Variants in FAM76B observed in about 807,000 individuals in gnomAD.
FAM76B encodes protein FAM76B.
A neutral mutation model predicts 51.8 loss-of-function variants in FAM76B; 16 were observed. The ratio of observed to expected loss-of-function variants is 0.31; its 90% CI spans 0.21 to 0.47. The LOEUF is 0.47. Among genes scored for constraint, FAM76B ranks in the 20% least tolerant of loss-of-function variants. The pLI is 1.00. For synonymous variants in FAM76B, 166 were observed against 129.5 expected, an observed-to-expected ratio of 1.28 and a Z score of -1.91; for missense variants, 342 against 392.6, an observed-to-expected ratio of 0.87 and a Z score of 1.09.
chr11:95,778,789 C>T (rs1273992083), intron 8 of FAM76B, 33 bp downstream of exon 8: 4 of 1,567,436 alleles, frequency 2.6e-6, no homozygotes, highest in South Asian at 1.2e-5. Context: ...CAACACATAA[C>T]TCTTACCAGG....
intron 5 of FAM76B, among the ~76,000 whole-genome samples, chr11:95,781,587 T>G (rs774798206): frequency 6.6e-6 from 1 of 152,118 alleles, no homozygotes; most frequent in Non-Finnish European, 1.5e-5. Context: ...TAAGACAAAT[T>G]TATCTGTAAA....
At position 95,779,905 on chromosome 11, in the gene FAM76B, T is replaced by G; in HGVS notation, c.585A>C (p.Glu195Asp). The G allele has an allele frequency of 6.2e-7, 1 of 1,605,480 alleles. No individual in the cohort carries two copies. The highest frequency in any genetic ancestry group is 8.5e-7 in the Non-Finnish European group (1 of 1,176,456). The change falls in exon 6 of 10, where the codon GAA (glutamate) becomes GAC (aspartate). Residue 195 changes from glutamate to aspartate, a missense_variant. Physicochemically the swap from Glu to Asp is conservative, Grantham distance 45. Around this residue, in one of 3 missense-constraint regions of FAM76B, gnomAD observed 230 missense variants for 257.4 expected, o/e 0.89. Coordinates refer to ENST00000358780, the MANE Select transcript of FAM76B (RefSeq NM_144664.5). The part of the protein sequence containing the change: ...SHHKISNLSP[E>D]EEQGLWKQSH... ...TCTGTTTCCACAGTCCCTGCTCTTC[T>G]TCTGGACTTAGATTGCTGATTCTGA...
At position 95,787,279 on chromosome 11, in the gene FAM76B, G is replaced by C. The variant is rs187554716; in HGVS notation, c.207+345C>G. ...GACGCAGTCTCGCTCTGTCCCCCAG[G>C]CTGGAGTGCAGTGGCAGGATCTCAG... is the stretch of plus-strand genomic sequence containing the variant. On this transcript the variant is annotated intron_variant, in intron 3 of 9. Transcript: ENST00000358780. Among the ~76,000 whole-genome samples the C allele has an allele frequency of 4.1e-4, 62 of 152,254 alleles. 1 individual carries two copies. The highest frequency in any genetic ancestry group is 3.4e-3 in the Middle Eastern group (1 of 294).
chr11:95,786,364 T>G, intron 3 of FAM76B, 90 bp from the exon 4 acceptor site: 1 of 1,434,532 alleles, frequency 7.0e-7, no homozygotes, highest in East Asian at 2.4e-5. Flanking sequence ...TTTCTGGAAT[T>G]AAGAAAACTC....
chr11:95,773,617 G>A (rs553559265), intron 9 of FAM76B, among the ~76,000 whole-genome samples: 9 of 151,312 alleles, frequency 5.9e-5, no homozygotes, highest in African/African-American at 1.7e-4. Context: ...ATAACCTGGA[G>A]CATATTTTCT....
Position 95,789,720 on chromosome 11 carries a change from G to T in FAM76B, c.-242C>A. ...TGCCAGCCGCTCCCGCTTAGGCCCC[G>T]ATAGCGGCGGAGGGAGACGAAGCGG... On this transcript the variant is annotated 5_prime_UTR_variant, in exon 1 of 10. Coordinates refer to ENST00000358780, the MANE Select transcript of FAM76B (RefSeq NM_144664.5). 2.1e-6 allele frequency: 1 copy of T among 487,042 alleles called. No homozygotes were observed. The highest frequency in any genetic ancestry group is 3.6e-6 in the Non-Finnish European group (1 of 278,172). 30.2% of individuals were successfully genotyped at this position (487,042 alleles called of 1,614,324 possible).
intron 7 of FAM76B, 154 bp from the exon 8 acceptor site, chr11:95,779,111 T>C: frequency 6.3e-7 from 1 of 1,585,688 alleles, no homozygotes; most frequent in Non-Finnish European, 8.5e-7. Context: ...CAAATTACCT[T>C]ACTAATGGCA....
At chr11:95,782,996 A>C (rs932077073) in intron 5 of FAM76B, 69 bp downstream of exon 5, 16 of 1,578,114 alleles carry the variant, frequency 1.0e-5, no homozygotes, top group Non-Finnish European at 1.4e-5. Flanking sequence ...ATTTGCAAGA[A>C]GTAAACATCA....
intron 5 of FAM76B, 52 bp downstream of exon 5, chr11:95,783,013 G>C (rs1049522502): frequency 6.3e-7 from 1 of 1,597,104 alleles, no homozygotes. Context: ...ATCAATAAAT[G>C]GCATTAAAAT....
intron 9 of FAM76B, among the ~76,000 whole-genome samples, chr11:95,773,473 A>AT (rs1859860393): frequency 6.6e-6 from 1 of 150,684 alleles, no homozygotes; most frequent in Non-Finnish European, 1.5e-5. Flanking sequence ...AAAAAAAAAA[A>AT]AATCAATGAA....
chr11:95,787,134 T>C (rs1250259180), intron 3 of FAM76B, among the ~76,000 whole-genome samples: 1 of 152,254 alleles, frequency 6.6e-6, no homozygotes, highest in Non-Finnish European at 1.5e-5. Flanking sequence ...AAAACAGGTA[T>C]ATAATTTGAC....
At position 95,782,939 on chromosome 11, in the gene FAM76B, A is replaced by C. The variant is rs149784616; in HGVS notation, c.563+126T>G. On this transcript the variant is annotated intron_variant, in intron 5 of 9. Coordinates refer to ENST00000358780, the MANE Select transcript of FAM76B (RefSeq NM_144664.5). ...AATGGAGACACAGCCTTAGACACTCAAGATGCTTACTGTGTACAATGGAAA... is the reference window on the plus strand; with the variant it reads ...AATGGAGACACAGCCTTAGACACTCCAGATGCTTACTGTGTACAATGGAAA... 1.2e-4 allele frequency: 144 copies of C among 1,202,952 alleles called. 3 individuals carry two copies. In the Middle Eastern group the frequency reaches 2.3e-3, roughly 19 times the overall value. 74.5% of individuals were successfully genotyped at this position (1,202,952 alleles called of 1,614,324 possible).
At position 95,769,221 on chromosome 11, in the gene FAM76B, A is replaced by AC. The variant is rs1859666622; in HGVS notation, c.*2339dup. ...AAACAGGCTAAAAGCACAATACACCACACCATAGTATCTCCTTACAGGTCC... is the reference window on the plus strand; with the variant it reads ...AAACAGGCTAAAAGCACAATACACCACCACCATAGTATCTCCTTACAGGTCC... On this transcript the variant is annotated 3_prime_UTR_variant, in exon 10 of 10. Coordinates refer to ENST00000358780, the MANE Select transcript of FAM76B (RefSeq NM_144664.5). 1 of 152,368 alleles carries AC rather than the reference A, an allele frequency of 6.6e-6. No homozygotes were observed. The highest frequency in any genetic ancestry group is 2.4e-5 in the African/African-American group (1 of 41,412). The allele number at this position is 152,368 out of a possible 1,614,324, so 9.4% of individuals were successfully genotyped here.
intron 4 of FAM76B, among the ~76,000 whole-genome samples, chr11:95,784,615 G>A (rs894129427): frequency 1.6e-4 from 24 of 146,990 alleles, no homozygotes; most frequent in African/African-American, 4.1e-4. Flanking sequence ...TTTTTGAGAC[G>A]GAGTCTCTGT....
chr11:95,777,937 G>A (rs1003892245), intron 8 of FAM76B, among the ~76,000 whole-genome samples: 3 of 151,412 alleles, frequency 2.0e-5, no homozygotes, highest in African/African-American at 7.3e-5. Context: ...TACAAAAGAT[G>A]ATCAAACAGT....
At chr11:95,776,805 T>C (rs1860032770) in intron 8 of FAM76B, among the ~76,000 whole-genome samples, 1 of 151,418 alleles carries the variant, frequency 6.6e-6, no homozygotes, top group Non-Finnish European at 1.5e-5. Context: ...GGTTATTTTT[T>C]AATGTTTTTC....
chr11:95,788,622 T>C (rs371169797), intron 1 of FAM76B, 59 bp from the exon 2 acceptor site: 236 of 1,533,296 alleles, frequency 1.5e-4, no homozygotes, highest in Non-Finnish European at 2.1e-4. Context: ...CTCACTTTTC[T>C]GGTAGAAAAC....
intron 9 of FAM76B, among the ~76,000 whole-genome samples, chr11:95,774,728 T>TA (rs1453538181): frequency 4.6e-5 from 7 of 151,414 alleles, no homozygotes; most frequent in Non-Finnish European, 7.4e-5. Flanking sequence ...TGATATATGA[T>TA]ACGGGCAATC....
intron 1 of FAM76B, 158 bp downstream of exon 1, chr11:95,789,234 G>A (rs1392933803): frequency 2.1e-6 from 2 of 971,326 alleles, no homozygotes; most frequent in Non-Finnish European, 3.0e-6. Flanking sequence ...TAATGTTCAA[G>A]CCCCCAGAAA....
Sources: allele counts gnomAD v4.1 joint callset (sites outside exome capture counted in the v4.1 genomes callset), GRCh38; gene constraint gnomAD v4.1.1; regional missense constraint gnomAD v4.1.1; transcripts MANE v1.5; gene names NCBI Gene and HGNC (gene_info 2026-07-23, HGNC 2026-07-21).